Variants in EFR3B observed in about 807,000 individuals in gnomAD.
EFR3B encodes protein EFR3 homolog B.
EFR3B carries 64 observed loss-of-function variants against 104.7 expected under a neutral mutation model. The ratio of observed to expected loss-of-function variants is 0.61; its 90% CI spans 0.50 to 0.75. The LOEUF is 0.75. Among genes scored for constraint, EFR3B ranks in the 30% least tolerant of loss-of-function variants. The probability of loss-of-function intolerance (pLI) is 0.00; values close to 1 mark genes in which losing one functional copy is unlikely to be tolerated. For missense variants in EFR3B, 750 were observed against 1,078.5 expected, an observed-to-expected ratio of 0.70 and a Z score of 4.27; for synonymous variants, 385 against 417.9, an observed-to-expected ratio of 0.92 and a Z score of 0.96.
intron 1 of EFR3B, among the ~76,000 whole-genome samples, chr2:25,044,062 A>G (rs1667650992): frequency 6.6e-6 from 1 of 152,262 alleles, no homozygotes; most frequent in African/African-American, 2.4e-5. Flanking sequence ...TGGGGAATCA[A>G]AGCATCTGGG....
At chr2:25,144,748 C>A (rs1434363303) in intron 18 of EFR3B, among the ~76,000 whole-genome samples, 2 of 152,136 alleles carry the variant, frequency 1.3e-5, no homozygotes, top group African/African-American at 4.8e-5. Flanking sequence ...AAATTTTAGC[C>A]CCAAAGAACA....
chr2:25,087,768 C>T (rs1173793430), intron 1 of EFR3B, among the ~76,000 whole-genome samples: 1 of 152,214 alleles, frequency 6.6e-6, no homozygotes, highest in African/African-American at 2.4e-5. Context: ...CCACCGTGCC[C>T]AGCCAAAGAG....
intron 1 of EFR3B, among the ~76,000 whole-genome samples, chr2:25,090,902 C>T (rs1290677324): frequency 1.3e-5 from 2 of 152,168 alleles, no homozygotes; most frequent in African/African-American, 4.8e-5. Flanking sequence ...GATTCTTGGG[C>T]TGCAGGAGGC....
At chr2:25,047,202 A>C (rs1404924864) in intron 1 of EFR3B, among the ~76,000 whole-genome samples, 15 of 152,206 alleles carry the variant, frequency 9.9e-5, no homozygotes. Context: ...GCAACCTTCT[A>C]TCTATGACAT....
intron 1 of EFR3B, among the ~76,000 whole-genome samples, chr2:25,064,115 G>C (rs1668268769): frequency 6.6e-6 from 1 of 152,226 alleles, no homozygotes; most frequent in African/African-American, 2.4e-5. Context: ...CATTTCAAAA[G>C]TGTTGCTTCT....
Position 25,141,401 on chromosome 2 carries a change from G to T in EFR3B, c.1890G>T (p.Met630Ile). 1 of 1,551,482 alleles carries T rather than the reference G, an allele frequency of 6.4e-7. No homozygotes were observed. The highest frequency in any genetic ancestry group is 8.7e-7 in the Non-Finnish European group (1 of 1,146,864). The change falls in exon 17 of 23, where the codon ATG becomes ATT. Residue 630 changes from methionine to isoleucine, a missense_variant. Transcript: ENST00000403714. The part of the protein sequence containing the change: ...IETRKKEAPY[M>I]LPEDVFVERP... ...CCAGGAAGAAAGAGGCTCCATACATGCTCCCCGAGGATGTGTTTGTGGAGA... is the reference window on the plus strand; with the variant it reads ...CCAGGAAGAAAGAGGCTCCATACATTCTCCCCGAGGATGTGTTTGTGGAGA...
chr2:25,111,092 G>A (rs1669713048), intron 4 of EFR3B, among the ~76,000 whole-genome samples: 1 of 152,200 alleles, frequency 6.6e-6, no homozygotes, highest in South Asian at 2.1e-4. Context: ...TTGATTGGAT[G>A]CAGGTAACTA....
chr2:25,081,686 C>A, intron 1 of EFR3B: 1 of 547,692 alleles, frequency 1.8e-6, no homozygotes, highest in South Asian at 2.9e-5. Context: ...ATGGAGGCTG[C>A]CATTTCCGAG....
At chr2:25,058,587 C>T (rs760519050) in intron 1 of EFR3B, among the ~76,000 whole-genome samples, 13 of 152,008 alleles carry the variant, frequency 8.6e-5, no homozygotes, top group Non-Finnish European at 1.5e-4. Flanking sequence ...GATAAAACCT[C>T]GTCTCTTCTA....
chr2:25,085,367 C>T lies in EFR3B; in HGVS notation c.8-5958C>T, dbSNP rs115930940. Among the ~76,000 whole-genome samples, 1,098 of 152,290 alleles carry T rather than the reference C, an allele frequency of 7.2e-3. 12 individuals carry two copies. The highest frequency in any genetic ancestry group is 0.025 in the African/African-American group (1,058 of 41,546). ...AATTAGGGCTGTTTCCAATGTGCTA[C>T]ATTTGTAGTATTATATTCCTTCCTA... is the stretch of plus-strand genomic sequence containing the variant. On this transcript the variant is annotated intron_variant, in intron 1 of 22. Transcript: ENST00000403714.
chr2:25,096,023 CT>C (rs138227531), intron 3 of EFR3B, among the ~76,000 whole-genome samples: 14 of 147,978 alleles, frequency 9.5e-5, no homozygotes, highest in Admixed American at 1.4e-4. Context: ...CCCACTGAGT[CT>C]TTTTTTTTTG....
At chr2:25,059,651 A>G (rs1668131429) in intron 1 of EFR3B, among the ~76,000 whole-genome samples, 1 of 142,930 alleles carries the variant, frequency 7.0e-6, no homozygotes, top group South Asian at 2.2e-4. Context: ...AGAATTTTGG[A>G]GATAGATGAT....
intron 3 of EFR3B, among the ~76,000 whole-genome samples, chr2:25,096,235 C>T (rs987997386): frequency 1.3e-4 from 20 of 152,078 alleles, no homozygotes; most frequent in Admixed American, 3.3e-4. Flanking sequence ...AGGCTGGTCT[C>T]GAACTTCTGA....
intron 1 of EFR3B, among the ~76,000 whole-genome samples, chr2:25,046,045 G>A (rs1324848400): frequency 6.6e-6 from 1 of 152,176 alleles, no homozygotes; most frequent in African/African-American, 2.4e-5. Flanking sequence ...GTCCCGCTTA[G>A]TGGTTGAGAA....
intron 5 of EFR3B, among the ~76,000 whole-genome samples, chr2:25,126,650 G>A (rs549197039): frequency 1.3e-5 from 2 of 151,760 alleles, no homozygotes; most frequent in African/African-American, 2.4e-5. Flanking sequence ...GTGAGTCACC[G>A]CGCCCGGCCT....
rs1449131885 is a variant in EFR3B, at chr2:25,151,907, G to A, written c.2192-7G>A. 5 of 1,551,618 alleles carry A rather than the reference G, an allele frequency of 3.2e-6. No homozygotes were observed. In the African/African-American group the frequency reaches 6.8e-5, roughly 21 times the overall value. On this transcript the variant is annotated splice_region_variant and splice_polypyrimidine_tract_variant and intron_variant, in intron 20 of 22. Coordinates refer to ENST00000403714, the MANE Select transcript of EFR3B (RefSeq NM_014971.2). ...GCCTGGCACTAACCCAGCTCTCTGT[G>A]TCGAAGTGGACAGCGTAGCAGTGGA...
chr2:25,136,201 C>T lies in EFR3B; in HGVS notation c.1485-322C>T, dbSNP rs966666497. Among the ~76,000 whole-genome samples the T allele has an allele frequency of 1.3e-5, 2 of 152,012 alleles. No homozygotes were observed. The highest frequency in any genetic ancestry group is 2.9e-5 in the Non-Finnish European group (2 of 67,990). ...AGTGTGGTGGCTCACACCTGTGGTC[C>T]CAGCTCTTTGGGAGGCTGAGTTGGG... is the stretch of plus-strand genomic sequence containing the variant. On this transcript the variant is annotated intron_variant, in intron 13 of 22. Transcript: ENST00000403714. The surrounding 1 kb of genome is among the most constrained non-coding windows in gnomAD (Gnocchi z 4.0).
chr2:25,141,333 A>G (rs1389702225), intron 16 of EFR3B, 33 bp from the exon 17 acceptor site: 37 of 1,548,844 alleles, frequency 2.4e-5, no homozygotes, highest in Non-Finnish European at 3.1e-5. Context: ...TCCCTGCTGA[A>G]CCAGCTCTTA....
At chr2:25,143,653 C>G in intron 17 of EFR3B, 82 bp from the exon 18 acceptor site, 1 of 1,510,070 alleles carries the variant, frequency 6.6e-7, no homozygotes, top group Non-Finnish European at 8.9e-7. Context: ...AGAGCAAAAC[C>G]CTGTCTTAAA....
Sources: gnomAD v4.1 joint callset for allele counts (sites outside exome capture counted in the v4.1 genomes callset) on GRCh38, gnomAD v4.1.1 for gene constraint, Gnocchi (gnomAD v3.1) non-coding constraint, MANE v1.5 for transcripts, NCBI Gene and HGNC (gene_info 2026-07-23, HGNC 2026-07-21) for gene names.